Variants in TTC6 observed in about 807,000 individuals in gnomAD.
The protein encoded by TTC6 is tetratricopeptide repeat domain 6, also known as tetratricopeptide repeat protein 6.
Under a neutral mutation model 210.4 loss-of-function variants are expected in TTC6, and 172 were observed. The ratio of observed to expected loss-of-function variants is 0.82; its 90% CI spans 0.72 to 0.93. The LOEUF (loss-of-function observed/expected upper bound fraction) is 0.93. Ranked by LOEUF, TTC6 falls within the 40% of genes least tolerant of loss-of-function variation. The pLI, the probability that TTC6 is intolerant of heterozygous loss-of-function variation, is 0.00. For synonymous variants in TTC6, 804 were observed against 819.6 expected (o/e 0.98, Z 0.32); for missense variants, 2,414 against 2,318.1 (o/e 1.04, Z -0.85).
At chr14:37,832,731 G>A (rs2096188811) in intron 29 of TTC6, among the ~76,000 whole-genome samples, 1 of 151,880 alleles carries the variant, frequency 6.6e-6, no homozygotes, top group East Asian at 1.9e-4. Flanking sequence ...TTTAATATGT[G>A]GCCTATCCTG....
At chr14:37,802,566 C>A (rs2096109301) in intron 20 of TTC6, among the ~76,000 whole-genome samples, 1 of 151,988 alleles carries the variant, frequency 6.6e-6, no homozygotes, top group Non-Finnish European at 1.5e-5. Context: ...GAGCAGAGGG[C>A]CCAGTTAAGC....
intron 1 of TTC6, among the ~76,000 whole-genome samples, chr14:37,676,462 T>C (rs1392790767): frequency 6.6e-6 from 1 of 152,122 alleles, no homozygotes; most frequent in Admixed American, 6.6e-5. Flanking sequence ...TTCCTAATAC[T>C]AGACCCTTGT....
At chr14:37,830,654 C>A (rs948138648) in intron 29 of TTC6, among the ~76,000 whole-genome samples, 4 of 151,568 alleles carry the variant, frequency 2.6e-5, no homozygotes, top group Admixed American at 6.6e-5. Flanking sequence ...ATTTCCATGC[C>A]ATTTTTTCCT....
At chr14:37,823,570 C>T (rs2096163083) in intron 26 of TTC6, among the ~76,000 whole-genome samples, 177 bp from the exon 29 acceptor site, 1 of 152,136 alleles carries the variant, frequency 6.6e-6, no homozygotes, top group Admixed American at 6.5e-5. Flanking sequence ...GGACCTGTCA[C>T]ACTTCCTTAG....
At chr14:37,720,640 A>C (rs950296103) in intron 6 of TTC6, 1 of 152,116 alleles carries the variant, frequency 6.6e-6, no homozygotes, top group African/African-American at 2.4e-5. Flanking sequence ...GTACATCCAC[A>C]GATGGAATAC....
At chr14:37,757,901 A>G (rs1018596653) in intron 14 of TTC6, among the ~76,000 whole-genome samples, 5 of 152,142 alleles carry the variant, frequency 3.3e-5, no homozygotes, top group Admixed American at 6.6e-5. Context: ...ATTGCTTTCA[A>G]AGAACTTATT....
intron 3 of TTC6, among the ~76,000 whole-genome samples, chr14:37,687,777 T>G (rs979569348): frequency 3.3e-5 from 5 of 152,084 alleles, no homozygotes; most frequent in African/African-American, 1.2e-4. Context: ...TGAAAAGTGC[T>G]TGGGCTCTGA....
chr14:37,682,883 G>T, exon 3 of TTC6: 1 of 1,535,688 alleles, frequency 6.5e-7, no homozygotes, highest in Non-Finnish European at 8.7e-7. Flanking sequence ...CGCAAGTTCA[G>T]CCAGCAGAGG....
intron 2 of TTC6, 50 bp downstream of exon 4, chr14:37,680,311 G>T: frequency 8.7e-7 from 1 of 1,150,450 alleles, no homozygotes. Context: ...GTAACAGCAT[G>T]CTTCCTGTTG....
At chr14:37,812,540 C>A in intron 25 of TTC6, 107 bp downstream of exon 27, 2 of 1,048,558 alleles carry the variant, frequency 1.9e-6, no homozygotes, top group South Asian at 2.4e-5. Flanking sequence ...AGTGGTAGCT[C>A]AACTTTAGCA....
chr14:37,834,626 A>G (rs962385782), intron 29 of TTC6, among the ~76,000 whole-genome samples: 1 of 151,946 alleles, frequency 6.6e-6, no homozygotes, highest in Non-Finnish European at 1.5e-5. Context: ...CTTTTGTTCT[A>G]AATTTCTTTA....
intron 18 of TTC6, among the ~76,000 whole-genome samples, chr14:37,795,582 T>C (rs2096090792): frequency 6.6e-6 from 1 of 152,172 alleles, no homozygotes; most frequent in Non-Finnish European, 1.5e-5. Flanking sequence ...TATACCTGTT[T>C]AGTGTTTATG....
intron 25 of TTC6, among the ~76,000 whole-genome samples, chr14:37,816,134 A>T (rs1008656395): frequency 2.6e-5 from 4 of 151,978 alleles, no homozygotes; most frequent in East Asian, 1.9e-4. Flanking sequence ...AATTAAAAAA[A>T]TTTTCTTCCA....
chr14:37,680,097 G>T, intron 1 of TTC6, 54 bp from the exon 4 acceptor site: 1 of 1,006,378 alleles, frequency 9.9e-7, no homozygotes, highest in Non-Finnish European at 1.5e-6. Flanking sequence ...AATGAATAAT[G>T]TGCTTCAATG....
intron 1 of TTC6, among the ~76,000 whole-genome samples, chr14:37,603,884 A>G (rs962582861): frequency 3.9e-5 from 6 of 152,212 alleles, no homozygotes; most frequent in African/African-American, 1.4e-4. Flanking sequence ...GAGATACTGC[A>G]GGGGACTAGC....
chr14:37,752,458 C>T (rs1221846247), intron 13 of TTC6, among the ~76,000 whole-genome samples: 1 of 151,306 alleles, frequency 6.6e-6, no homozygotes, highest in Non-Finnish European at 1.5e-5. Flanking sequence ...CTATCCTGCA[C>T]CAATAGTTTA....
intron 14 of TTC6, among the ~76,000 whole-genome samples, chr14:37,768,888 A>G (rs2096008027): frequency 6.6e-6 from 1 of 150,798 alleles, no homozygotes; most frequent in Non-Finnish European, 1.5e-5. Context: ...CCAGTTTTCA[A>G]AGGGAATGCT....
At chr14:37,787,607 T>C in exon 15 of TTC6, 1 of 1,521,368 alleles carries the variant, frequency 6.6e-7, no homozygotes, top group Non-Finnish European at 8.8e-7. Flanking sequence ...GAGTAACCCT[T>C]TTAGAGCGCT....
chr14:37,710,249 T>C (rs1335663336), intron 5 of TTC6, among the ~76,000 whole-genome samples: 3 of 152,084 alleles, frequency 2.0e-5, no homozygotes, highest in Non-Finnish European at 4.4e-5. Flanking sequence ...TCTGTTGGGG[T>C]CATACCAAGG....
Sources: gnomAD v4.1 joint callset for allele counts (sites outside exome capture counted in the v4.1 genomes callset) on GRCh38, gnomAD v4.1.1 for gene constraint, MANE v1.5 for transcripts, NCBI Gene and HGNC (gene_info 2026-07-23, HGNC 2026-07-21) for gene names.